NFYC: variants seen among roughly 807,000 people sequenced by gnomAD.
NFYC encodes the protein nuclear transcription factor Y subunit gamma.
In NFYC, 25 loss-of-function variants were observed where a neutral mutation model predicts 53.1. The ratio of observed to expected loss-of-function variants is 0.47; its 90% CI spans 0.34 to 0.66. NFYC has a LOEUF of 0.66. NFYC is among the 30% of genes least tolerant of loss of function. The pLI is 0.01. For synonymous variants in NFYC, 145 were observed against 152.6 expected, an observed-to-expected ratio of 0.95 and a Z score of 0.37; for missense variants, 260 against 422.7, an observed-to-expected ratio of 0.62 and a Z score of 3.38.
intron 8 of NFYC, chr1:40,767,006 C>T (rs777450155): frequency 7.8e-6 from 12 of 1,545,424 alleles, no homozygotes; most frequent in African/African-American, 1.4e-5. Flanking sequence ...GGGAAATGTT[C>T]GACAGATCGC....
chr1:40,702,703 TA>T, intron 1 of NFYC, among the ~76,000 whole-genome samples: 1 of 152,308 alleles, frequency 6.6e-6, no homozygotes, highest in Middle Eastern at 3.4e-3. Flanking sequence ...GTTTGTTTGT[TA>T]AACCTTGAAG....
chr1:40,718,850 A>C (rs1346414131), intron 1 of NFYC, among the ~76,000 whole-genome samples: 1 of 152,036 alleles, frequency 6.6e-6, no homozygotes, highest in Admixed American at 6.5e-5. Context: ...TAGATGAATC[A>C]TGGTGGTTTT....
Position 40,692,240 on chromosome 1 carries a change from T to A in NFYC, c.-9+373T>A, listed in dbSNP as rs538372649. On this transcript the variant is annotated intron_variant, in intron 1 of 9. Coordinates refer to ENST00000447388, the MANE Select transcript of NFYC (RefSeq NM_014223.5). ...TGAGGCTGCGGGGATGCGCGCGTCTTGGGCTAGGGCGGCTGGGGCAATGAC... is the reference window on the plus strand; with the variant it reads ...TGAGGCTGCGGGGATGCGCGCGTCTAGGGCTAGGGCGGCTGGGGCAATGAC... 4.4e-5 allele frequency: 7 copies of A among 160,064 alleles called. No homozygotes were observed. The South Asian group carries it at 8.7e-4, about 20-fold the overall frequency. The allele number at this position is 160,064 out of a possible 1,614,324, so 9.9% of individuals were successfully genotyped here.
At chr1:40,727,231 G>A (rs932332965) in intron 1 of NFYC, among the ~76,000 whole-genome samples, 10 of 151,986 alleles carry the variant, frequency 6.6e-5, no homozygotes, top group African/African-American at 2.4e-4. Context: ...TTGGTTGGTT[G>A]GTTGGTTTTT....
chr1:40,735,708 T>C, intron 1 of NFYC: 1 of 985,422 alleles, frequency 1.0e-6, no homozygotes, highest in Non-Finnish European at 1.2e-6. Flanking sequence ...GCATGGCAGA[T>C]TGTGCCAAGA....
chr1:40,730,559 CAG>C, intron 1 of NFYC: 15 of 985,084 alleles, frequency 1.5e-5, no homozygotes, highest in Non-Finnish European at 1.8e-5. Context: ...CACCTCATGA[CAG>C]AGGAAGATAT....
chr1:40,723,386 G>A (rs1482109850), intron 1 of NFYC: 1 of 152,240 alleles, frequency 6.6e-6, no homozygotes, highest in Admixed American at 6.5e-5. Context: ...TGAAAAACCA[G>A]TTACTCACCA....
rs1448070372 is a variant in NFYC at position 40,758,191 on chromosome 1, C to A, written c.458C>A (p.Thr153Asn). The A allele has an allele frequency of 6.2e-7, 1 of 1,612,928 alleles. No individual in the cohort carries two copies. The highest frequency in any genetic ancestry group is 1.3e-5 in the African/African-American group (1 of 75,014). The part of the protein sequence containing the change: ...QYYFTLAQQP[T>N]AVQVQGQQQG... ...TATTTCACGCTGGCTCAGCAACCCA[C>A]CGCTGTCCAAGTCCAGGGCCAGCAG... The change falls in exon 6 of 10, where the codon ACC becomes AAC. Residue 153 changes from threonine (T) to asparagine (N), a missense_variant. Thr to Asn is a moderately conservative substitution (Grantham distance 65, BLOSUM62 0). Transcript: ENST00000447388.
At chr1:40,699,025 G>A (rs1643297243) in intron 1 of NFYC, among the ~76,000 whole-genome samples, 1 of 152,022 alleles carries the variant, frequency 6.6e-6, no homozygotes, top group African/African-American at 2.4e-5. Context: ...TTAGCTGGGC[G>A]TGGTGGTGGG....
At chr1:40,692,001 C>T (rs1288443025) in intron 1 of NFYC, 134 bp downstream of exon 1, 2 of 274,542 alleles carry the variant, frequency 7.3e-6, no homozygotes, top group African/African-American at 2.4e-5. Context: ...CCGTCCTGCC[C>T]GCCGCCATGT....
intron 1 of NFYC, among the ~76,000 whole-genome samples, chr1:40,707,521 C>T (rs990881097): frequency 4.8e-5 from 7 of 145,298 alleles, no homozygotes; most frequent in African/African-American, 1.8e-4. Flanking sequence ...AATTTATCCT[C>T]GTCCAGGCAC....
intron 1 of NFYC, among the ~76,000 whole-genome samples, chr1:40,726,710 C>T (rs987432199): frequency 6.6e-6 from 1 of 152,224 alleles, no homozygotes; most frequent in Admixed American, 6.5e-5. Context: ...AGCCACTGTG[C>T]CTGGCTGGCA....
rs760633850 is a variant in NFYC at position 40,739,000 on chromosome 1, C to G, written c.105+52C>G. 3 of 1,334,208 alleles carry G rather than the reference C, an allele frequency of 2.2e-6. No homozygotes were observed. In the Admixed American group the frequency reaches 5.7e-5, roughly 25 times the overall value. 82.6% of individuals were successfully genotyped at this position (1,334,208 alleles called of 1,614,324 possible). On this transcript the variant is annotated intron_variant, in intron 2 of 9. Coordinates refer to ENST00000447388, the MANE Select transcript of NFYC (RefSeq NM_014223.5). ...AGAAACTTTTAAAGAGTATAAAGAGCTCTGGGAAATTAACCAAAACTCAGA... is the reference window on the plus strand; with the variant it reads ...AGAAACTTTTAAAGAGTATAAAGAGGTCTGGGAAATTAACCAAAACTCAGA...
In NFYC at chr1:40,741,271, G is replaced by A. The variant is rs543713990; in HGVS notation, c.105+2323G>A. ...TACCCATTCAACCATTCTGTTTTTC[G>A]CTTTCAATCTAGTATTCAATAAATT... On this transcript the variant is annotated intron_variant, in intron 2 of 9. Coordinates refer to ENST00000447388, the MANE Select transcript of NFYC (RefSeq NM_014223.5). 2.0e-5 allele frequency among the ~76,000 whole-genome samples: 3 copies of A among 151,974 alleles called. No individual in the cohort carries two copies. The East Asian group carries it at 5.8e-4, about 29-fold the overall frequency.
At chr1:40,707,971 C>T (rs1274671007) in intron 1 of NFYC, among the ~76,000 whole-genome samples, 3 of 152,012 alleles carry the variant, frequency 2.0e-5, no homozygotes, top group Non-Finnish European at 4.4e-5. Flanking sequence ...AGTAATACAT[C>T]GTCAGCCCTC....
chr1:40,754,418 A>G lies in NFYC; in HGVS notation c.387+1172A>G, dbSNP rs367890071. ...CTGTAAGGTGTTCAGAGGAGCTTTC[A>G]GTCGGATGTTTACAGCGGCAGGCTG... On this transcript the variant is annotated intron_variant, in intron 5 of 9. Transcript: ENST00000447388. 3 of 534,166 alleles carry G rather than the reference A, an allele frequency of 5.6e-6. No homozygotes were observed. In the African/African-American group the frequency reaches 5.8e-5, roughly 10 times the overall value. The allele number at this position is 534,166 out of a possible 1,614,324, so 33.1% of individuals were successfully genotyped here.
chr1:40,763,883 A>G (rs1435451048), intron 7 of NFYC, among the ~76,000 whole-genome samples: 1 of 152,220 alleles, frequency 6.6e-6, no homozygotes, highest in Non-Finnish European at 1.5e-5. Context: ...GCAGTCCTGT[A>G]TTTGATTAGC....
intron 9 of NFYC, among the ~76,000 whole-genome samples, chr1:40,769,728 G>T (rs1186730219): frequency 6.6e-6 from 1 of 152,140 alleles, no homozygotes; most frequent in Non-Finnish European, 1.5e-5. Flanking sequence ...GGACTAGAGA[G>T]CAGGTTTCCT....
Position 40,753,135 on chromosome 1 carries a change from CTCT to C in NFYC, c.292-11_292-9del. ...CTCCCCAGGCTAATTTTTCACACCG[CTCT>C]TCTTTGTTACAGAGAAATGATATCG... On this transcript the variant is annotated splice_polypyrimidine_tract_variant and intron_variant, in intron 4 of 9. Transcript: ENST00000447388. 1 of 1,592,480 alleles carries C rather than the reference CTCT, an allele frequency of 6.3e-7. No homozygotes were observed. The highest frequency in any genetic ancestry group is 1.1e-5 in the South Asian group (1 of 90,612).
Sources: gnomAD v4.1 joint callset for allele counts (sites outside exome capture counted in the v4.1 genomes callset) on GRCh38, gnomAD v4.1.1 for gene constraint, MANE v1.5 for transcripts, NCBI Gene and HGNC (gene_info 2026-07-23, HGNC 2026-07-21) for gene names.